Variants in PDE10A observed in about 807,000 individuals in gnomAD.
PDE10A encodes the protein cAMP and cAMP-inhibited cGMP 3',5'-cyclic phosphodiesterase 10A.
A neutral mutation model predicts 97.7 loss-of-function variants in PDE10A; 39 were observed. The observed-to-expected ratio is 0.40, with a 90% CI of 0.31 to 0.52. The LOEUF is 0.52. Among genes scored for constraint, PDE10A ranks in the 20% least tolerant of loss-of-function variants. The pLI, the probability that PDE10A is intolerant of heterozygous loss-of-function variation, is 0.56. For synonymous variants in PDE10A, 371 were observed against 376.8 expected, an observed-to-expected ratio of 0.98 and a Z score of 0.18; for missense variants, 731 against 1,047.8, an observed-to-expected ratio of 0.70 and a Z score of 4.17.
At chr6:165,681,565 G>A (rs1235730157) in intron 1 of PDE10A, among the ~76,000 whole-genome samples, 1 of 152,084 alleles carries the variant, frequency 6.6e-6, no homozygotes, top group Non-Finnish European at 1.5e-5. Flanking sequence ...AACCTCCCAG[G>A]GGATACCGAT....
intron 3 of PDE10A, among the ~76,000 whole-genome samples, chr6:165,454,283 G>A (rs1265638520): frequency 1.3e-5 from 2 of 152,158 alleles, no homozygotes; most frequent in Non-Finnish European, 2.9e-5. Context: ...ATTTAGATGA[G>A]ACCCTGGACT....
chr6:165,695,189 G>A (rs1224984875), intron 1 of PDE10A, among the ~76,000 whole-genome samples: 2 of 147,842 alleles, frequency 1.4e-5, no homozygotes, highest in Non-Finnish European at 3.0e-5. Context: ...TTGCTCCCCA[G>A]TGAGCCTGGT....
At chr6:165,918,923 G>A (rs1432056241) in intron 1 of PDE10A, among the ~76,000 whole-genome samples, 1 of 152,126 alleles carries the variant, frequency 6.6e-6, no homozygotes, top group Non-Finnish European at 1.5e-5. Flanking sequence ...AATGGCAGAT[G>A]ATGGGAAATC....
rs150362754 is a variant in PDE10A at position 165,753,728 on chromosome 6, T to G, written c.-614-210160A>C. 4.7e-3 allele frequency among the ~76,000 whole-genome samples: 713 copies of G among 152,308 alleles called. 1 individual carries two copies. The highest frequency in any genetic ancestry group is 0.016 in the African/African-American group (674 of 41,554). ...TTTAAGTGACACAACTTCATTTAAT[T>G]CACAGAAGTAAAGAATTCCTGGGAG... On this transcript the variant is annotated intron_variant, in intron 1 of 19. Coordinates refer to the PDE10A transcript ENST00000366882.
At chr6:165,400,159 C>T (rs1408358759) in intron 13 of PDE10A, among the ~76,000 whole-genome samples, 1 of 151,954 alleles carries the variant, frequency 6.6e-6, no homozygotes, top group East Asian at 1.9e-4. Context: ...AACTTTGACC[C>T]TTACCTTGTA....
chr6:165,435,450 T>C, intron 5 of PDE10A, 73 bp from the exon 6 acceptor site: 1 of 1,244,028 alleles, frequency 8.0e-7, no homozygotes, highest in Non-Finnish European at 1.1e-6. Flanking sequence ...ACGTGAATCC[T>C]AACAGTCATA....
chr6:165,818,079 C>T lies in PDE10A; in HGVS notation c.-615+169450G>A, dbSNP rs183264343. On this transcript the variant is annotated intron_variant, in intron 1 of 19. Coordinates refer to the PDE10A transcript ENST00000366882. ...GCTGAGTCCCACTGTGTAGACAGAA[C>T]GCTCAATTGTGATGAGGCTGCCCCA... Among the ~76,000 whole-genome samples the T allele has an allele frequency of 9.2e-5, 14 of 152,258 alleles. No individual in the cohort carries two copies. In the East Asian group the frequency reaches 9.6e-4, roughly 10 times the overall value.
At chr6:165,952,315 T>C (rs1783990028) in intron 1 of PDE10A, among the ~76,000 whole-genome samples, 1 of 152,258 alleles carries the variant, frequency 6.6e-6, no homozygotes, top group Non-Finnish European at 1.5e-5. Flanking sequence ...GGAGCATAAC[T>C]ATACAGCTCC....
rs141211948 is a variant in PDE10A at position 165,447,365 on chromosome 6, T to C, written c.1194+1563A>G. On this transcript the variant is annotated intron_variant, in intron 5 of 21. Coordinates refer to ENST00000539869, the MANE Select transcript of PDE10A (RefSeq NM_001385079.1). ...AGAATTGCTGAGTCCAAGATACAGGTTTTAGCAAAGAATCTGCTGGGGCCC... is the reference window on the plus strand; with the variant it reads ...AGAATTGCTGAGTCCAAGATACAGGCTTTAGCAAAGAATCTGCTGGGGCCC... Among the ~76,000 whole-genome samples the C allele has an allele frequency of 9.9e-5, 15 of 152,226 alleles. No homozygotes were observed. The East Asian group carries it at 2.9e-3, about 29-fold the overall frequency.
chr6:165,647,812 A>G (rs1229994029), intron 1 of PDE10A, among the ~76,000 whole-genome samples: 4 of 151,782 alleles, frequency 2.6e-5, no homozygotes, highest in Non-Finnish European at 4.4e-5. Flanking sequence ...CAAGGAAACA[A>G]TGGCTACGTG....
chr6:165,628,910 A>T (rs950290505), intron 1 of PDE10A, among the ~76,000 whole-genome samples: 1 of 152,162 alleles, frequency 6.6e-6, no homozygotes, highest in African/African-American at 2.4e-5. Context: ...TAAAATTTAG[A>T]TATTGAAAAG....
At chr6:165,467,734 A>G (rs1379967377) in intron 3 of PDE10A, among the ~76,000 whole-genome samples, 1 of 152,220 alleles carries the variant, frequency 6.6e-6, no homozygotes, top group Non-Finnish European at 1.5e-5. Context: ...ATTTGTTGAC[A>G]TGATGACAAA....
intron 1 of PDE10A, among the ~76,000 whole-genome samples, chr6:165,925,155 A>C (rs1359348889): frequency 6.6e-6 from 1 of 152,250 alleles, no homozygotes; most frequent in Non-Finnish European, 1.5e-5. Flanking sequence ...TTTTAACACC[A>C]TCTGCCATTA....
At chr6:165,776,592 A>G (rs141774413) in intron 1 of PDE10A, among the ~76,000 whole-genome samples, 1 of 152,348 alleles carries the variant, frequency 6.6e-6, no homozygotes, top group Non-Finnish European at 1.5e-5. Flanking sequence ...AACACTCTCC[A>G]AAGTTCACAA....
chr6:165,712,631 C>CTTTTT, intron 1 of PDE10A, among the ~76,000 whole-genome samples: 1 of 88,972 alleles, frequency 1.1e-5, no homozygotes, highest in Non-Finnish European at 2.1e-5. Flanking sequence ...AACTTTCTTT[C>CTTTTT]TTTTTTTTTT....
At chr6:165,861,661 G>A (rs1340431550) in intron 1 of PDE10A, among the ~76,000 whole-genome samples, 5 of 151,954 alleles carry the variant, frequency 3.3e-5, no homozygotes, top group African/African-American at 9.7e-5. Context: ...AGCAGAGACC[G>A]AAAGACCAGA....
At chr6:165,836,700 C>T (rs1220676421) in intron 1 of PDE10A, among the ~76,000 whole-genome samples, 2 of 152,146 alleles carry the variant, frequency 1.3e-5, no homozygotes, top group Non-Finnish European at 2.9e-5. Context: ...GGCACACTGT[C>T]CTCCTGGAGC....
chr6:165,923,285 A>G (rs1782809306), intron 1 of PDE10A, among the ~76,000 whole-genome samples: 1 of 152,238 alleles, frequency 6.6e-6, no homozygotes, highest in East Asian at 1.9e-4. Context: ...TCCCTGGGAA[A>G]TAGACTTTCA....
intron 1 of PDE10A, among the ~76,000 whole-genome samples, chr6:165,621,756 T>TAAA (rs200573248): frequency 1.0e-3 from 114 of 114,122 alleles, no homozygotes; most frequent in African/African-American, 4.4e-3. Flanking sequence ...GACTCTTATC[T>TAAA]AAAAAAGAAA....
Sources: allele counts gnomAD v4.1 joint callset (sites outside exome capture counted in the v4.1 genomes callset), GRCh38; gene constraint gnomAD v4.1.1; transcripts MANE v1.5; gene names NCBI Gene and HGNC (gene_info 2026-07-23, HGNC 2026-07-21).